The following SLC10A7 variants were observed in gnomAD, a reference collection of about 807,000 sequenced individuals.
SLC10A7 encodes solute carrier family 10 member 7.
SLC10A7 carries 29 observed loss-of-function variants against 43.2 expected under a neutral mutation model. That is an observed-to-expected ratio of 0.67 (90% CI 0.50 to 0.92). SLC10A7 has a LOEUF of 0.92. SLC10A7 is among the 40% of genes least tolerant of loss of function. The probability of loss-of-function intolerance (pLI) is 0.00; values close to 1 mark genes in which losing one functional copy is unlikely to be tolerated. For missense variants in SLC10A7, 295 were observed against 403.2 expected (o/e 0.73, Z 2.30); for synonymous variants, 152 against 144.8 (o/e 1.05, Z -0.35).
chr4:146,333,701 T>A (rs1233769978), intron 5 of SLC10A7, among the ~76,000 whole-genome samples: 1 of 151,976 alleles, frequency 6.6e-6, no homozygotes, highest in Non-Finnish European at 1.5e-5. Context: ...AGCCTAGTAA[T>A]CCATGGTAAG....
intron 4 of SLC10A7, among the ~76,000 whole-genome samples, chr4:146,481,618 C>A (rs1436751423): frequency 3.3e-5 from 5 of 152,288 alleles, no homozygotes; most frequent in Admixed American, 3.3e-4. Context: ...TATGCTGTGC[C>A]CCCCAGGGGC....
intron 5 of SLC10A7, among the ~76,000 whole-genome samples, chr4:146,379,951 CTCTCTCTCTG>C (rs1462315739): frequency 6.6e-6 from 1 of 150,686 alleles, no homozygotes; most frequent in Non-Finnish European, 1.5e-5. Context: ...CTCTCTCTCT[CTCTCTCTCTG>C]TGTGTGTGTG....
At position 146,515,234 on chromosome 4, in the gene SLC10A7, G is replaced by A. The variant is rs1030814282; in HGVS notation, c.183+1804C>T. 4.3e-6 allele frequency: 3 copies of A among 695,870 alleles called. No individual in the cohort carries two copies. In the South Asian group the frequency reaches 4.5e-5, roughly 11 times the overall value. The allele number at this position is 695,870 out of a possible 1,614,324, so 43.1% of individuals were successfully genotyped here. The stretch of plus-strand genomic sequence containing the variant: ...TGTAGCCATTAAGCAGCCACCAGGG[G>A]ACATAGAGCAACGCCCCAAGTAAAG... On this transcript the variant is annotated intron_variant, in intron 2 of 11. Transcript: ENST00000335472.
chr4:146,285,516 A>C (rs1226401902), intron 9 of SLC10A7, among the ~76,000 whole-genome samples: 1 of 152,210 alleles, frequency 6.6e-6, no homozygotes, highest in African/African-American at 2.4e-5. Context: ...TCTTAGGATC[A>C]ATTGTGGGGA....
Position 146,296,278 on chromosome 4 carries a change from T to G in SLC10A7, c.556-2183A>C, listed in dbSNP as rs974071900. 3.3e-5 allele frequency among the ~76,000 whole-genome samples: 5 copies of G among 152,210 alleles called. No individual in the cohort carries two copies. The East Asian group carries it at 9.6e-4, about 29-fold the overall frequency. ...ACACTGTACTTTTAAAATTTTGTAT[T>G]ATTTTTATTGCATTGTTATTTATTT... On this transcript the variant is annotated intron_variant, in intron 7 of 11. Coordinates refer to ENST00000335472, the MANE Select transcript of SLC10A7 (RefSeq NM_001029998.6).
At chr4:146,385,206 G>A (rs1737905956) in intron 5 of SLC10A7, among the ~76,000 whole-genome samples, 2 of 152,130 alleles carry the variant, frequency 1.3e-5, no homozygotes, top group South Asian at 4.1e-4. Context: ...GATAATATTG[G>A]TAGTAGAAGG....
At chr4:146,257,692 C>T (rs148764331) in intron 11 of SLC10A7, among the ~76,000 whole-genome samples, 4 of 152,246 alleles carry the variant, frequency 2.6e-5, no homozygotes, top group African/African-American at 9.6e-5. Context: ...CCTCTACAAC[C>T]CTAGGGTGTA....
chr4:146,361,674 G>A (rs1578993031), intron 5 of SLC10A7, among the ~76,000 whole-genome samples: 1 of 152,126 alleles, frequency 6.6e-6, no homozygotes. Context: ...TTAATGCTCA[G>A]ACATGGATAA....
chr4:146,439,674 T>G (rs959302716), intron 5 of SLC10A7, among the ~76,000 whole-genome samples: 3 of 152,128 alleles, frequency 2.0e-5, no homozygotes, highest in Non-Finnish European at 4.4e-5. Flanking sequence ...TTTATATAGA[T>G]TATCCCACAA....
intron 6 of SLC10A7, among the ~76,000 whole-genome samples, chr4:146,322,264 G>T (rs945985067): frequency 3.3e-5 from 5 of 151,800 alleles, no homozygotes; most frequent in Admixed American, 6.6e-5. Flanking sequence ...GTACATGTGC[G>T]CAATGTGCAG....
intron 10 of SLC10A7, among the ~76,000 whole-genome samples, chr4:146,268,804 C>T (rs537173189): frequency 1.3e-5 from 2 of 152,270 alleles, no homozygotes; most frequent in Admixed American, 1.3e-4. Flanking sequence ...CTGTGCTCCT[C>T]TGCATGCTAT....
rs35378848 is a variant in SLC10A7 at position 146,483,452 on chromosome 4, A to C, written c.396+20397T>G. Among the ~76,000 whole-genome samples, 76 of 6,998 alleles carry C rather than the reference A, an allele frequency of 0.011. 1 individual carries two copies. The South Asian group carries it at 0.14, about 13-fold the overall frequency. 4.6% of individuals were successfully genotyped at this position (6,998 alleles called of 152,430 possible). A position where few individuals can be genotyped will look rare whatever the true frequency, so the allele number is the denominator to read the frequency against. On this transcript the variant is annotated intron_variant, in intron 4 of 11. Coordinates refer to ENST00000335472, the MANE Select transcript of SLC10A7 (RefSeq NM_001029998.6). ...ACCTCATAGTAACCACACACACACA[A>C]AAAAAAAACCCTACATCATATATAC...
Position 146,287,441 on chromosome 4 carries a change from C to G in SLC10A7, c.774-4176G>C, listed in dbSNP as rs1035924336. 2.0e-5 allele frequency among the ~76,000 whole-genome samples: 3 copies of G among 152,100 alleles called. No individual in the cohort carries two copies. In the East Asian group the frequency reaches 5.8e-4, roughly 29 times the overall value. On this transcript the variant is annotated intron_variant, in intron 9 of 11. Transcript: ENST00000335472. ...TATCTGAGCTGGAAGCAAAAGTGAA[C>G]AAGGGGAGTGAAAAATATGGAGATT... is the stretch of plus-strand genomic sequence containing the variant.
At chr4:146,473,242 G>A (rs1478470641) in intron 4 of SLC10A7, among the ~76,000 whole-genome samples, 1 of 152,136 alleles carries the variant, frequency 6.6e-6, no homozygotes, top group South Asian at 2.1e-4. Context: ...AAAAAGACAT[G>A]TCAAAATTAT....
chr4:146,458,974 T>A (rs1237911325), intron 4 of SLC10A7, among the ~76,000 whole-genome samples: 1 of 151,718 alleles, frequency 6.6e-6, no homozygotes, highest in South Asian at 2.1e-4. Context: ...AAAACCTCCC[T>A]TCTGAAAAAA....
At chr4:146,307,180 C>G (rs1731638529) in intron 6 of SLC10A7, among the ~76,000 whole-genome samples, 1 of 152,162 alleles carries the variant, frequency 6.6e-6, no homozygotes, top group Non-Finnish European at 1.5e-5. Context: ...TCCCCCAGCT[C>G]CAGCCCCAAT....
intron 7 of SLC10A7, 78 bp from the exon 8 acceptor site, chr4:146,294,173 C>G: frequency 8.6e-7 from 1 of 1,158,592 alleles, no homozygotes; most frequent in Non-Finnish European, 1.2e-6. Context: ...GTGATTCTGA[C>G]AGGAGAAAGA....
At chr4:146,273,261 C>T (rs1729002160) in intron 10 of SLC10A7, among the ~76,000 whole-genome samples, 1 of 152,146 alleles carries the variant, frequency 6.6e-6, no homozygotes, top group African/African-American at 2.4e-5. Context: ...GAAGCTGACA[C>T]ATGCAAGCAC....
chr4:146,420,540 G>A (rs1386006152), intron 5 of SLC10A7, among the ~76,000 whole-genome samples: 1 of 152,134 alleles, frequency 6.6e-6, no homozygotes, highest in Non-Finnish European at 1.5e-5. Context: ...GAAGAAAGTG[G>A]ATGGAAATGT....
Sources: gnomAD v4.1 joint callset for allele counts (sites outside exome capture counted in the v4.1 genomes callset) on GRCh38, gnomAD v4.1.1 for gene constraint, MANE v1.5 for transcripts, NCBI Gene and HGNC (gene_info 2026-07-23, HGNC 2026-07-21) for gene names.